The following TRPC4 variants were observed in gnomAD, a reference collection of about 807,000 sequenced individuals.
TRPC4 encodes the protein short transient receptor potential channel 4.
TRPC4 carries 49 observed loss-of-function variants against 99.4 expected under a neutral mutation model. That is an observed-to-expected ratio of 0.49 (90% CI 0.39 to 0.63). TRPC4 has a LOEUF of 0.63. Among genes scored for constraint, TRPC4 ranks in the 20% least tolerant of loss-of-function variants. The pLI is 0.00. For synonymous variants in TRPC4, 454 were observed against 425.9 expected, an observed-to-expected ratio of 1.07 and a Z score of -0.81; for missense variants, 898 against 1,152.9, an observed-to-expected ratio of 0.78 and a Z score of 3.20.
chr13:37,860,252 T>G (rs1959226591), intron 1 of TRPC4, among the ~76,000 whole-genome samples: 1 of 151,464 alleles, frequency 6.6e-6, no homozygotes, highest in Non-Finnish European at 1.5e-5. Context: ...AGACAGGACA[T>G]TTGAAAATAT....
chr13:37,658,970 A>C (rs1185458761), intron 6 of TRPC4, among the ~76,000 whole-genome samples: 1 of 152,184 alleles, frequency 6.6e-6, no homozygotes, highest in Non-Finnish European at 1.5e-5. Context: ...AGGGCAGAAT[A>C]AGGCCATTCT....
intron 6 of TRPC4, among the ~76,000 whole-genome samples, chr13:37,655,777 A>G (rs1434716714): frequency 1.3e-5 from 2 of 152,122 alleles, no homozygotes; most frequent in Non-Finnish European, 2.9e-5. Flanking sequence ...ATAGCAGAGA[A>G]CATATGGCTC....
chr13:37,847,009 C>A (rs182235113), intron 1 of TRPC4, among the ~76,000 whole-genome samples: 1 of 151,672 alleles, frequency 6.6e-6, no homozygotes, highest in Non-Finnish European at 1.5e-5. Flanking sequence ...GAAGAGATAA[C>A]AATTGTAAAT....
rs940276744 is a variant in TRPC4 at position 37,727,637 on chromosome 13, C to G, written c.897+18300G>C. Among the ~76,000 whole-genome samples the G allele has an allele frequency of 1.3e-4, 19 of 151,722 alleles. 1 individual carries two copies. Among genetic ancestry groups the G allele is most frequent in the Non-Finnish European group, 1.5e-4 (10 of 67,826 alleles). On this transcript the variant is annotated intron_variant, in intron 3 of 10. Coordinates refer to ENST00000379705, the MANE Select transcript of TRPC4 (RefSeq NM_016179.4). ...CAAAAAGCTGGTTCTTCAAAATGAT[C>G]AATAAAATTGACAAACTTTCAGTGA...
intron 1 of TRPC4, among the ~76,000 whole-genome samples, chr13:37,834,649 C>A (rs1488523018): frequency 6.6e-6 from 1 of 152,258 alleles, no homozygotes; most frequent in African/African-American, 2.4e-5. Context: ...TAGATGAGTA[C>A]AGTAAATGAG....
At chr13:37,751,754 T>C (rs1431008202) in intron 2 of TRPC4, among the ~76,000 whole-genome samples, 1 of 151,934 alleles carries the variant, frequency 6.6e-6, no homozygotes, top group African/African-American at 2.4e-5. Context: ...TTAAGAAAAA[T>C]GAAGATAAAG....
chr13:37,712,318 T>C (rs768664871), intron 3 of TRPC4, among the ~76,000 whole-genome samples: 4 of 152,178 alleles, frequency 2.6e-5, no homozygotes, highest in Non-Finnish European at 4.4e-5. Context: ...CTCCCACTTA[T>C]AGAGCCCCTT....
chr13:37,833,241 G>A (rs1958470924), intron 1 of TRPC4, among the ~76,000 whole-genome samples: 1 of 151,724 alleles, frequency 6.6e-6, no homozygotes, highest in African/African-American at 2.4e-5. Flanking sequence ...TTATTTTCCT[G>A]CATTATATTT....
At chr13:37,656,956 C>T (rs1196101636) in intron 6 of TRPC4, among the ~76,000 whole-genome samples, 2 of 152,152 alleles carry the variant, frequency 1.3e-5, no homozygotes, top group African/African-American at 2.4e-5. Context: ...GACTGAAGGG[C>T]TATAATTCTT....
At chr13:37,701,760 C>T (rs563919140) in intron 3 of TRPC4, among the ~76,000 whole-genome samples, 15 of 152,198 alleles carry the variant, frequency 9.9e-5, no homozygotes, top group Non-Finnish European at 1.9e-4. Context: ...AAAGAATCTG[C>T]GTATGAATAA....
intron 3 of TRPC4, among the ~76,000 whole-genome samples, chr13:37,739,922 G>A (rs1452826379): frequency 6.6e-6 from 1 of 152,064 alleles, no homozygotes; most frequent in Non-Finnish European, 1.5e-5. Flanking sequence ...GTATATTTTA[G>A]ACATCCCAGA....
chr13:37,637,297 A>G lies in TRPC4; in HGVS notation c.2540T>C (p.Leu847Ser). 6.2e-7 allele frequency: 1 copy of G among 1,613,906 alleles called. No homozygotes were observed. The highest frequency in any genetic ancestry group is 8.5e-7 in the Non-Finnish European group (1 of 1,179,888). ...NFVTDIKNFG[L>S]FHRRSKQNAA... ...ATTTTGTTTTGATCGTCTATGAAAT[A>G]ACCCAAAGTTTTTGATATCGGTCAC... Residue 847 changes from leucine (L) to serine (S), a missense_variant, in exon 11 of 11, where the codon TTA becomes TCA. Around this residue, in one of 3 missense-constraint regions of TRPC4, gnomAD observed 346 missense variants for 351.4 expected, o/e 0.98. Coordinates refer to ENST00000379705, the MANE Select transcript of TRPC4 (RefSeq NM_016179.4).
chr13:37,745,518 A>ATG (rs1955743714), intron 3 of TRPC4, among the ~76,000 whole-genome samples: 1 of 113,658 alleles, frequency 8.8e-6, no homozygotes, highest in African/African-American at 3.7e-5. Context: ...GTATATATAT[A>ATG]CGTATATATG....
At chr13:37,847,354 A>G (rs527672779) in intron 1 of TRPC4, among the ~76,000 whole-genome samples, 1 of 152,144 alleles carries the variant, frequency 6.6e-6, no homozygotes, top group South Asian at 2.1e-4. Flanking sequence ...TTCAGAGCAC[A>G]ATGATATAAA....
At chr13:37,681,190 T>C (rs543030295) in intron 4 of TRPC4, among the ~76,000 whole-genome samples, 1 of 152,306 alleles carries the variant, frequency 6.6e-6, no homozygotes, top group East Asian at 1.9e-4. Context: ...ACTTCAACTG[T>C]AAGTTTAGAC....
intron 3 of TRPC4, among the ~76,000 whole-genome samples, chr13:37,725,309 G>C (rs1204821486): frequency 3.9e-5 from 6 of 152,002 alleles, no homozygotes; most frequent in Non-Finnish European, 7.4e-5. Flanking sequence ...AAGAGGCAGA[G>C]AGAATATTTG....
At chr13:37,836,403 C>A (rs1958566894) in intron 1 of TRPC4, among the ~76,000 whole-genome samples, 2 of 152,120 alleles carry the variant, frequency 1.3e-5, no homozygotes, top group Admixed American at 6.6e-5. Context: ...AAGTTTGGAA[C>A]TCCCTAGAGG....
In TRPC4 at chr13:37,784,095, A is replaced by T. The variant is rs78703472; in HGVS notation, c.-27-735T>A. On this transcript the variant is annotated intron_variant, in intron 1 of 10. Transcript: ENST00000379705. ...CAATAAAATATACTGAGCCCAATGAACATAATTATATTTTTTTCTCTCTGT... is the reference window on the plus strand; with the variant it reads ...CAATAAAATATACTGAGCCCAATGATCATAATTATATTTTTTTCTCTCTGT... Among the ~76,000 whole-genome samples the T allele has an allele frequency of 1.6e-3, 243 of 152,252 alleles. 6 individuals are homozygous for T. The East Asian group carries it at 0.04, about 25-fold the overall frequency.
chr13:37,640,258 G>A (rs1025709642), intron 8 of TRPC4, among the ~76,000 whole-genome samples: 14 of 152,016 alleles, frequency 9.2e-5, no homozygotes, highest in African/African-American at 2.9e-4. Flanking sequence ...TTTAAAATGA[G>A]GCTTTTGCTC....
Sources: allele counts gnomAD v4.1 joint callset (sites outside exome capture counted in the v4.1 genomes callset), GRCh38; gene constraint gnomAD v4.1.1; regional missense constraint gnomAD v4.1.1; transcripts MANE v1.5; gene names NCBI Gene and HGNC (gene_info 2026-07-23, HGNC 2026-07-21).